Variants in METTL4 observed in about 807,000 individuals in gnomAD.
METTL4 encodes methyltransferase 4, N6-adenosine, also known as N(6)-adenine-specific methyltransferase METTL4.
Under a neutral mutation model 54.0 loss-of-function variants are expected in METTL4, and 40 were observed. The ratio of observed to expected loss-of-function variants is 0.74; its 90% CI spans 0.58 to 0.96. The LOEUF is 0.96. METTL4 is among the 50% of genes least tolerant of loss of function. METTL4 has a pLI of 0.00. For synonymous variants in METTL4, 169 were observed against 183.8 expected, an observed-to-expected ratio of 0.92 and a Z score of 0.65; for missense variants, 525 against 549.0, an observed-to-expected ratio of 0.96 and a Z score of 0.44.
chr18:2,559,715 A>C (rs1442560426), intron 3 of METTL4, among the ~76,000 whole-genome samples: 1 of 152,212 alleles, frequency 6.6e-6, no homozygotes, highest in Non-Finnish European at 1.5e-5. Context: ...GACAACTAGG[A>C]TGAAATGAAC....
chr18:2,564,291 G>A (rs1387758500), intron 2 of METTL4, among the ~76,000 whole-genome samples: 1 of 151,008 alleles, frequency 6.6e-6, no homozygotes, highest in East Asian at 1.9e-4. Flanking sequence ...GGCGCCTGTA[G>A]TCCCAGCTAC....
At chr18:2,565,675 G>A (rs2072399108) in intron 2 of METTL4, among the ~76,000 whole-genome samples, 1 of 152,118 alleles carries the variant, frequency 6.6e-6, no homozygotes, top group African/African-American at 2.4e-5. Context: ...CCATCAGGGA[G>A]GGATTATGTT....
chr18:2,541,546 A>G (rs2071992733), intron 8 of METTL4, among the ~76,000 whole-genome samples: 1 of 152,220 alleles, frequency 6.6e-6, no homozygotes, highest in African/African-American at 2.4e-5. Context: ...TTTTGATTTA[A>G]ATACTTTATT....
chr18:2,569,115 G>A (rs1028887362), intron 1 of METTL4: 1 of 153,300 alleles, frequency 6.5e-6, no homozygotes, highest in African/African-American at 2.4e-5. Flanking sequence ...CACTGTTACA[G>A]TAATTAATCA....
At position 2,567,055 on chromosome 18, in the gene METTL4, G is replaced by A. The variant is rs1396114824; in HGVS notation, c.162C>T (p.Ser54=). The change falls in exon 2 of 9, where the codon TCC becomes TCT. Residue 54 remains serine (S), a synonymous_variant. Transcript: ENST00000574538. Reference sequence around the variant, plus strand: ...TAAATGCAGCACAGACTCCAGAGGAGGACACAGAATCCATTTGAAGAGACT... The same window carrying A: ...TAAATGCAGCACAGACTCCAGAGGAAGACACAGAATCCATTTGAAGAGACT... ...HFESLQMDSV[S]SSGVCAAFIA... 1 of 1,613,992 alleles carries A rather than the reference G, an allele frequency of 6.2e-7. No individual in the cohort carries two copies. The highest frequency in any genetic ancestry group is 1.1e-5 in the South Asian group (1 of 91,084).
rs2072500024 is a variant in METTL4 at position 2,571,182 on chromosome 18, C to G, written c.-472G>C. 1 of 152,526 alleles carries G rather than the reference C, an allele frequency of 6.6e-6. No individual in the cohort carries two copies. Among genetic ancestry groups the G allele is most frequent in the Non-Finnish European group, 1.5e-5 (1 of 68,284 alleles). The allele number at this position is 152,526 out of a possible 1,614,324, so 9.4% of individuals were successfully genotyped here. A position where few individuals can be genotyped will look rare whatever the true frequency, so the allele number is the denominator to read the frequency against. On this transcript the variant is annotated 5_prime_UTR_variant, in exon 1 of 9. Transcript: ENST00000574538. ...TTGTCAGAAAAGCGGACGCCGCCTT[C>G]CCAGACTCTCCTCATGAAAACAGCA... is the stretch of plus-strand genomic sequence containing the variant.
intron 2 of METTL4, among the ~76,000 whole-genome samples, chr18:2,564,519 G>GA (rs11457096): frequency 0.061 from 9,230 of 152,224 alleles, 899 homozygotes; most frequent in African/African-American, 0.21. Flanking sequence ...ATCATCAAAA[G>GA]AAATTCCAAT....
intron 1 of METTL4, among the ~76,000 whole-genome samples, chr18:2,570,172 G>A (rs2072482065): frequency 6.6e-6 from 1 of 152,098 alleles, no homozygotes; most frequent in Non-Finnish European, 1.5e-5. Flanking sequence ...TCCATCTATT[G>A]GAGTCTAGCT....
intron 2 of METTL4, among the ~76,000 whole-genome samples, chr18:2,565,273 C>A (rs1292621437): frequency 6.6e-6 from 1 of 150,408 alleles, no homozygotes. Context: ...AGCAAGACTC[C>A]GTCTCAAAAA....
chr18:2,562,688 T>C (rs2072339571), intron 3 of METTL4, among the ~76,000 whole-genome samples: 1 of 152,122 alleles, frequency 6.6e-6, no homozygotes, highest in Non-Finnish European at 1.5e-5. Flanking sequence ...GAACATTGTA[T>C]GATTCCACTT....
chr18:2,560,949 C>T (rs1425767375), intron 3 of METTL4, among the ~76,000 whole-genome samples: 1 of 151,928 alleles, frequency 6.6e-6, no homozygotes, highest in African/African-American at 2.4e-5. Flanking sequence ...TCTGCAAATG[C>T]AAGGATGGTT....
intron 2 of METTL4, 131 bp from the exon 3 acceptor site, chr18:2,563,990 G>T: frequency 1.8e-6 from 1 of 569,520 alleles, no homozygotes; most frequent in Non-Finnish European, 3.0e-6. Flanking sequence ...TGTCTACTGA[G>T]GTCAAAATCA....
At chr18:2,556,604 T>C (rs914706336) in intron 3 of METTL4, among the ~76,000 whole-genome samples, 2 of 152,120 alleles carry the variant, frequency 1.3e-5, no homozygotes, top group African/African-American at 4.8e-5. Flanking sequence ...TTAGGTAGGT[T>C]TACTTGCAGT....
Position 2,566,046 on chromosome 18 carries a change from C to CAAAT in METTL4, c.396+771_396+774dup, listed in dbSNP as rs538896989. ...TGGGTGACAGAGCAAGACTCTGTCT[C>CAAAT]AAATAAATAAATAAATAAATAAATA... On this transcript the variant is annotated intron_variant, in intron 2 of 8. Transcript: ENST00000574538. 2.4e-3 allele frequency among the ~76,000 whole-genome samples: 203 copies of CAAAT among 82,872 alleles called. 1 individual carries two copies. The highest frequency in any genetic ancestry group is 0.012 in the Middle Eastern group (2 of 162). 54.4% of individuals were successfully genotyped at this position (82,872 alleles called of 152,430 possible).
chr18:2,552,891 C>T lies in METTL4; in HGVS notation c.830-127G>A. 5 of 603,806 alleles carry T rather than the reference C, an allele frequency of 8.3e-6. No individual in the cohort carries two copies. The South Asian group carries it at 1.0e-4, about 12-fold the overall frequency. The allele number at this position is 603,806 out of a possible 1,614,324, so 37.4% of individuals were successfully genotyped here. On this transcript the variant is annotated intron_variant, in intron 4 of 8. Coordinates refer to ENST00000574538, the MANE Select transcript of METTL4 (RefSeq NM_022840.5). ...ATATAATGGAATGCACCAAAGGGAT[C>T]TGTATATAGCATTTATTCAAACAGA... is the stretch of plus-strand genomic sequence containing the variant.
chr18:2,570,310 T>C (rs2072484113), intron 1 of METTL4, among the ~76,000 whole-genome samples: 1 of 152,180 alleles, frequency 6.6e-6, no homozygotes, highest in Non-Finnish European at 1.5e-5. Flanking sequence ...ATCAGGAAAT[T>C]GGCAGGCTTG....
At position 2,565,244 on chromosome 18, in the gene METTL4, G is replaced by A. The variant is rs1040006676; in HGVS notation, c.397-1385C>T. Among the ~76,000 whole-genome samples, 14 of 151,716 alleles carry A rather than the reference G, an allele frequency of 9.2e-5. 1 individual carries two copies. The highest frequency in any genetic ancestry group is 6.3e-4 in the South Asian group (3 of 4,794). ...CAGTGAACCGAGATCACGCCACTGC[G>A]CTCCAGCCTGGGAAACAGAGCAAGA... On this transcript the variant is annotated intron_variant, in intron 2 of 8. Transcript: ENST00000574538.
At position 2,567,229 on chromosome 18, in the gene METTL4, A is replaced by G; in HGVS notation, c.-13T>C. The G allele has an allele frequency of 6.5e-7, 1 of 1,550,352 alleles. No homozygotes were observed. The highest frequency in any genetic ancestry group is 1.2e-5 in the South Asian group (1 of 80,786). ...GTACCACAGACATTCCCTTCCTTTA[A>G]AAAAGCCTCTGGGAATTAGGAACTA... On this transcript the variant is annotated 5_prime_UTR_variant, in exon 2 of 9. Transcript: ENST00000574538.
At chr18:2,561,893 T>C (rs2072324850) in intron 3 of METTL4, 1 of 152,178 alleles carries the variant, frequency 6.6e-6, no homozygotes, top group Non-Finnish European at 1.5e-5. Flanking sequence ...ATTTCTGCAG[T>C]TAACCTTGCA....
Sources: gnomAD v4.1 joint callset for allele counts (sites outside exome capture counted in the v4.1 genomes callset) on GRCh38, gnomAD v4.1.1 for gene constraint, MANE v1.5 for transcripts, NCBI Gene and HGNC (gene_info 2026-07-23, HGNC 2026-07-21) for gene names.